ZNRF3: variants seen among roughly 807,000 people sequenced by gnomAD.
ZNRF3 encodes zinc and ring finger 3, also known as E3 ubiquitin-protein ligase ZNRF3.
A neutral mutation model predicts 72.5 loss-of-function variants in ZNRF3; 23 were observed. The observed-to-expected ratio is 0.32, with a 90% CI of 0.23 to 0.45. The LOEUF (loss-of-function observed/expected upper bound fraction) is 0.45, where lower values mean the gene tolerates loss of function less well. Ranked by LOEUF, ZNRF3 falls within the 20% of genes least tolerant of loss-of-function variation. The probability of loss-of-function intolerance (pLI) is 1.00; values close to 1 mark genes in which losing one functional copy is unlikely to be tolerated. For missense variants in ZNRF3, 1,169 were observed against 1,272.1 expected, an observed-to-expected ratio of 0.92 and a Z score of 1.23; for synonymous variants, 610 against 545.3, an observed-to-expected ratio of 1.12 and a Z score of -1.65.
intron 2 of ZNRF3, among the ~76,000 whole-genome samples, chr22:29,008,921 A>G (rs867362334): frequency 4.6e-5 from 7 of 152,132 alleles, no homozygotes; most frequent in Middle Eastern, 3.2e-3. Context: ...TAGGGTTTGT[A>G]ATTTAAGGTG....
Position 29,048,080 on chromosome 22 carries a change from G to A in ZNRF3, c.913-309G>A, listed in dbSNP as rs570207103. ...CCCATCCTCACTAGCAGGAGGACTCGGCCCTCCCTGGGTGGAGGCATGAGT... is the reference window on the plus strand; with the variant it reads ...CCCATCCTCACTAGCAGGAGGACTCAGCCCTCCCTGGGTGGAGGCATGAGT... On this transcript the variant is annotated intron_variant, in intron 6 of 8. Coordinates refer to ENST00000544604, the MANE Select transcript of ZNRF3 (RefSeq NM_001206998.2). This position sits in a 1 kb window ranked among gnomAD's most constrained non-coding sequence, Gnocchi z 4.9. Among the ~76,000 whole-genome samples the A allele has an allele frequency of 9.9e-5, 15 of 152,196 alleles. No individual in the cohort carries two copies. In the East Asian group the frequency reaches 2.9e-3, roughly 29 times the overall value.
Position 29,001,059 on chromosome 22 carries a change from C to CTTTTTTTTTTTTT in ZNRF3, c.426+13873_426+13885dup, listed in dbSNP as rs773296494. On this transcript the variant is annotated intron_variant, in intron 2 of 8. Transcript: ENST00000544604. ...CTGCCTTGGCCTCCCAAAGCTTTGC[C>CTTTTTTTTTTTTT]TTTTTTTTTTTTTTTTTTTTTTTTT... 9.0e-5 allele frequency among the ~76,000 whole-genome samples: 7 copies of CTTTTTTTTTTTTT among 77,954 alleles called. 2 individuals carry two copies. In the East Asian group the frequency reaches 2.9e-3, roughly 32 times the overall value. 51.1% of individuals were successfully genotyped at this position (77,954 alleles called of 152,430 possible). A position where few individuals can be genotyped will look rare whatever the true frequency, so the allele number is the denominator to read the frequency against.
At chr22:29,023,348 C>G (rs112161965) in intron 2 of ZNRF3, among the ~76,000 whole-genome samples, 116 of 152,306 alleles carry the variant, frequency 7.6e-4, no homozygotes, top group African/African-American at 2.6e-3. Flanking sequence ...GAAAGTCATG[C>G]CTCCTTTGCA....
chr22:29,055,085 A>G lies in ZNRF3; in HGVS notation c.*1463A>G, dbSNP rs1199247159. 1 of 152,704 alleles carries G rather than the reference A, an allele frequency of 6.5e-6. No individual in the cohort carries two copies. 9.5% of individuals were successfully genotyped at this position (152,704 alleles called of 1,614,324 possible). On this transcript the variant is annotated 3_prime_UTR_variant, in exon 9 of 9. Transcript: ENST00000544604. The stretch of plus-strand genomic sequence containing the variant: ...GGAAGGGGAGAGTTTAAAAACCCAA[A>G]CCGTTGTGGTTTTAAGGTGTTTCAT...
At chr22:29,035,488 A>C (rs1193309908) in intron 2 of ZNRF3, among the ~76,000 whole-genome samples, 1 of 152,268 alleles carries the variant, frequency 6.6e-6, no homozygotes, top group Non-Finnish European at 1.5e-5. Flanking sequence ...ACATCAATGC[A>C]TATAAATATT....
intron 1 of ZNRF3, among the ~76,000 whole-genome samples, chr22:28,909,737 T>C (rs894935834): frequency 9.1e-5 from 13 of 143,302 alleles, no homozygotes; most frequent in African/African-American, 3.3e-4. Flanking sequence ...CATGCCACCA[T>C]GCCTGGCTAA....
At chr22:29,007,366 G>T (rs2036271138) in intron 2 of ZNRF3, among the ~76,000 whole-genome samples, 1 of 152,218 alleles carries the variant, frequency 6.6e-6, no homozygotes, top group South Asian at 2.1e-4. Context: ...GTCATGCACG[G>T]TGGCTCATAC....
chr22:29,021,678 G>A (rs1180716819), intron 2 of ZNRF3, among the ~76,000 whole-genome samples: 1 of 151,712 alleles, frequency 6.6e-6, no homozygotes, highest in Admixed American at 6.6e-5. Context: ...AGTAGAGGCG[G>A]GGTTTCACCA....
chr22:28,982,810 C>T (rs1378403473), intron 1 of ZNRF3, among the ~76,000 whole-genome samples: 5 of 152,126 alleles, frequency 3.3e-5, no homozygotes, highest in African/African-American at 7.2e-5. Context: ...AAAAGAGAAC[C>T]TCAGGGTGGA....
chr22:28,945,440 C>A (rs1192549759), intron 1 of ZNRF3, among the ~76,000 whole-genome samples: 1 of 151,956 alleles, frequency 6.6e-6, no homozygotes, highest in Non-Finnish European at 1.5e-5. Flanking sequence ...ACCTGTAATC[C>A]CAGCACTTGG....
rs570187744 is a variant in ZNRF3 at position 29,026,198 on chromosome 22, G to A, written c.427-16297G>A. Reference sequence around the variant, plus strand: ...AGCACTTGTTACTTGAATTAGACCCGAAAATATAGCACATTTTAGGGTCTA... The same window carrying A: ...AGCACTTGTTACTTGAATTAGACCCAAAAATATAGCACATTTTAGGGTCTA... On this transcript the variant is annotated intron_variant, in intron 2 of 8. Coordinates refer to ENST00000544604, the MANE Select transcript of ZNRF3 (RefSeq NM_001206998.2). The A allele has an allele frequency of 2.0e-5, 3 of 152,198 alleles. No homozygotes were observed. In the East Asian group the frequency reaches 5.8e-4, roughly 29 times the overall value. 9.4% of individuals were successfully genotyped at this position (152,198 alleles called of 1,614,324 possible).
chr22:28,952,437 C>T (rs1261856376), intron 1 of ZNRF3, among the ~76,000 whole-genome samples: 2 of 151,628 alleles, frequency 1.3e-5, no homozygotes, highest in African/African-American at 4.8e-5. Context: ...TATGTTTGAA[C>T]CTCCCTTTAT....
chr22:29,048,326 C>A lies in ZNRF3; in HGVS notation c.913-63C>A. The A allele has an allele frequency of 7.0e-7, 1 of 1,424,338 alleles. No individual in the cohort carries two copies. The highest frequency in any genetic ancestry group is 9.9e-7 in the Non-Finnish European group (1 of 1,014,096). 88.2% of individuals were successfully genotyped at this position (1,424,338 alleles called of 1,614,324 possible). ...GCAGAACTCCTTGGTCTATGCTGGA[C>A]TCTGCAGGAGGACACACCTGCGAGG... is the stretch of plus-strand genomic sequence containing the variant. On this transcript the variant is annotated intron_variant, in intron 6 of 8. Coordinates refer to ENST00000544604, the MANE Select transcript of ZNRF3 (RefSeq NM_001206998.2). This position sits in a 1 kb window ranked among gnomAD's most constrained non-coding sequence, Gnocchi z 4.9.
At chr22:28,909,782 A>G (rs942743391) in intron 1 of ZNRF3, among the ~76,000 whole-genome samples, 19 of 148,296 alleles carry the variant, frequency 1.3e-4, no homozygotes, top group Admixed American at 4.7e-4. Context: ...TGGTAGGGAA[A>G]GGGTTCTACC....
At chr22:28,937,213 ATATT>A (rs1252682293) in intron 1 of ZNRF3, among the ~76,000 whole-genome samples, 1 of 4,232 alleles carries the variant, frequency 2.4e-4, no homozygotes, top group East Asian at 0.025. Context: ...ATATATATAT[ATATT>A]TTTTTTTTTT....
At chr22:28,885,326 A>G (rs899475992) in intron 1 of ZNRF3, among the ~76,000 whole-genome samples, 1 of 152,156 alleles carries the variant, frequency 6.6e-6, no homozygotes, top group Non-Finnish European at 1.5e-5. Flanking sequence ...AATCAGCAGC[A>G]TTGCCTTACC....
Position 29,050,449 on chromosome 22 carries a change from G to A in ZNRF3, c.2268G>A (p.Gln756=). The change falls in exon 8 of 9, where the codon CAG becomes CAA. Residue 756 remains glutamine (Q), a synonymous_variant. Transcript: ENST00000544604. The part of the protein sequence containing the change: ...AGGEPQSGSS[Q]GLYGLHPDHL... ...GGGAGCCCCAGTCAGGAAGCTCCCAGGGCTTGTACGGCCTTCACCCCGACC... is the reference window on the plus strand; with the variant it reads ...GGGAGCCCCAGTCAGGAAGCTCCCAAGGCTTGTACGGCCTTCACCCCGACC... The A allele has an allele frequency of 6.2e-7, 1 of 1,611,412 alleles. No homozygotes were observed. Among genetic ancestry groups the A allele is most frequent in the South Asian group, 1.1e-5 (1 of 91,058 alleles).
chr22:28,977,701 G>C (rs1420095354), intron 1 of ZNRF3, among the ~76,000 whole-genome samples: 1 of 152,108 alleles, frequency 6.6e-6, no homozygotes, highest in Non-Finnish European at 1.5e-5. Context: ...TTAGTATTTG[G>C]CTTCTGTGTA....
chr22:28,955,001 C>T (rs2035229491), intron 1 of ZNRF3, among the ~76,000 whole-genome samples: 1 of 149,504 alleles, frequency 6.7e-6, no homozygotes, highest in African/African-American at 2.5e-5. Context: ...CTGATGGCAT[C>T]ACAGGTTTGG....
Sources: gnomAD v4.1 joint callset for allele counts (sites outside exome capture counted in the v4.1 genomes callset) on GRCh38, gnomAD v4.1.1 for gene constraint, Gnocchi (gnomAD v3.1) non-coding constraint, MANE v1.5 for transcripts, NCBI Gene and HGNC (gene_info 2026-07-23, HGNC 2026-07-21) for gene names.